The following PRKG1 variants were observed in gnomAD, a reference collection of about 807,000 sequenced individuals.
PRKG1 encodes the protein protein kinase cGMP-dependent 1.
Under a neutral mutation model 88.1 loss-of-function variants are expected in PRKG1, and 35 were observed. That is an observed-to-expected ratio of 0.40 (90% CI 0.30 to 0.53). The LOEUF is 0.53. PRKG1 is among the 20% of genes least tolerant of loss of function. PRKG1 has a pLI of 0.59. For synonymous variants in PRKG1, 303 were observed against 292.5 expected (o/e 1.04, Z -0.37); for missense variants, 540 against 839.8 (o/e 0.64, Z 4.41).
chr10:51,664,644 A>G (rs746974700), intron 3 of PRKG1, among the ~76,000 whole-genome samples: 1 of 152,266 alleles, frequency 6.6e-6, no homozygotes, highest in South Asian at 2.1e-4. Flanking sequence ...GGCGAATAAG[A>G]TACCCTCTTT....
intron 3 of PRKG1, among the ~76,000 whole-genome samples, chr10:51,550,532 C>CT (rs1437879868): frequency 6.6e-6 from 1 of 151,920 alleles, no homozygotes; most frequent in Non-Finnish European, 1.5e-5. Context: ...GAATAAACCT[C>CT]TTAGAGATAC....
chr10:52,037,026 A>G (rs924156971), intron 5 of PRKG1, among the ~76,000 whole-genome samples: 1 of 152,288 alleles, frequency 6.6e-6, no homozygotes, highest in Admixed American at 6.5e-5. Flanking sequence ...AAGCAGTGTC[A>G]GTCTTCAGCC....
intron 4 of PRKG1, among the ~76,000 whole-genome samples, chr10:51,870,092 A>G (rs1841117579): frequency 1.3e-5 from 2 of 152,178 alleles, no homozygotes; most frequent in Admixed American, 1.3e-4. Context: ...TTTAAAAAAA[A>G]GTCAATGAAC....
chr10:51,991,691 C>T (rs1400203856), intron 5 of PRKG1, among the ~76,000 whole-genome samples: 1 of 152,172 alleles, frequency 6.6e-6, no homozygotes, highest in Non-Finnish European at 1.5e-5. Flanking sequence ...TCATCCATAT[C>T]CCTACAAAGG....
At chr10:51,122,073 G>T (rs1296981167) in intron 1 of PRKG1, among the ~76,000 whole-genome samples, 1 of 152,102 alleles carries the variant, frequency 6.6e-6, no homozygotes, top group Admixed American at 6.6e-5. Flanking sequence ...AAACATTTTG[G>T]CAGAAACCTT....
At chr10:51,503,621 A>G (rs1483643402) in intron 3 of PRKG1, among the ~76,000 whole-genome samples, 1 of 152,168 alleles carries the variant, frequency 6.6e-6, no homozygotes, top group Non-Finnish European at 1.5e-5. Flanking sequence ...CCTACATGTA[A>G]CTGTTGTGAA....
chr10:51,958,540 T>C lies in PRKG1; in HGVS notation c.762+50970T>C, dbSNP rs1439676253. On this transcript the variant is annotated intron_variant, in intron 5 of 17. Coordinates refer to ENST00000373980, the MANE Select transcript of PRKG1 (RefSeq NM_006258.4). Reference sequence around the variant, plus strand: ...ATTTCAAGGAATAGGTCGTCCATTGTTGTTCCTTTTTTTTTTTTTTTTCAG... The same window carrying C: ...ATTTCAAGGAATAGGTCGTCCATTGCTGTTCCTTTTTTTTTTTTTTTTCAG... 8.5e-5 allele frequency among the ~76,000 whole-genome samples: 12 copies of C among 141,990 alleles called. No homozygotes were observed. The Admixed American group carries it at 8.9e-4, about 10-fold the overall frequency. 93.2% of individuals were successfully genotyped at this position (141,990 alleles called of 152,430 possible).
intron 3 of PRKG1, among the ~76,000 whole-genome samples, chr10:51,502,655 A>T (rs1188622740): frequency 1.3e-5 from 2 of 152,134 alleles, no homozygotes; most frequent in African/African-American, 4.8e-5. Context: ...TGAAATGGGG[A>T]TAATGATGCT....
chr10:51,966,965 C>T (rs556183817), intron 5 of PRKG1, among the ~76,000 whole-genome samples: 100 of 152,254 alleles, frequency 6.6e-4, no homozygotes, highest in African/African-American at 2.3e-3. Context: ...GTTGGTGGGA[C>T]GGTAAACTAG....
At chr10:51,999,690 T>TA (rs1844544144) in intron 5 of PRKG1, among the ~76,000 whole-genome samples, 1 of 152,102 alleles carries the variant, frequency 6.6e-6, no homozygotes, top group South Asian at 2.1e-4. Context: ...AGTTTATATA[T>TA]ATTTACTTTG....
chr10:51,108,061 A>G (rs1360916021), intron 1 of PRKG1, among the ~76,000 whole-genome samples: 1 of 152,148 alleles, frequency 6.6e-6, no homozygotes, highest in East Asian at 1.9e-4. Context: ...AAGAAGAAAC[A>G]GGTGACCTGA....
At chr10:51,475,946 A>G (rs1840180981) in intron 3 of PRKG1, among the ~76,000 whole-genome samples, 1 of 152,044 alleles carries the variant, frequency 6.6e-6, no homozygotes, top group Admixed American at 6.6e-5. Flanking sequence ...GGACATTTTT[A>G]AGAAAACAAC....
At chr10:51,165,755 A>T (rs1438492200) in intron 2 of PRKG1, among the ~76,000 whole-genome samples, 2 of 152,212 alleles carry the variant, frequency 1.3e-5, no homozygotes, top group African/African-American at 4.8e-5. Flanking sequence ...TCCATTTCAC[A>T]AATATGTAAT....
intron 2 of PRKG1, among the ~76,000 whole-genome samples, chr10:51,385,718 GT>G (rs2132637248): frequency 6.6e-6 from 1 of 152,276 alleles, no homozygotes; most frequent in African/African-American, 2.4e-5. Context: ...CCCCCATGGG[GT>G]TTTTAGCCAC....
At chr10:51,726,840 G>A (rs1395656140) in intron 3 of PRKG1, among the ~76,000 whole-genome samples, 2 of 152,056 alleles carry the variant, frequency 1.3e-5, no homozygotes, top group Non-Finnish European at 2.9e-5. Flanking sequence ...GCAGTGGCAC[G>A]ATCTCCTCTC....
chr10:51,824,888 A>G (rs1415750857), intron 4 of PRKG1, among the ~76,000 whole-genome samples: 2 of 152,144 alleles, frequency 1.3e-5, no homozygotes, highest in African/African-American at 4.8e-5. Flanking sequence ...CCCCACCTCC[A>G]CTAATGAGGA....
chr10:52,062,674 C>T, intron 7 of PRKG1, 43 bp downstream of exon 7: 1 of 1,462,812 alleles, frequency 6.8e-7, no homozygotes, highest in Non-Finnish European at 9.4e-7. Context: ...TTGAGTGCTA[C>T]ATAAATTTCT....
chr10:51,140,816 C>T (rs1845803173), intron 1 of PRKG1, among the ~76,000 whole-genome samples: 1 of 152,080 alleles, frequency 6.6e-6, no homozygotes, highest in South Asian at 2.1e-4. Context: ...GCAATTCTTG[C>T]ACCTCTAATA....
At chr10:51,885,562 C>T (rs1042436294) in intron 4 of PRKG1, among the ~76,000 whole-genome samples, 21 of 152,322 alleles carry the variant, frequency 1.4e-4, no homozygotes, top group African/African-American at 5.1e-4. Flanking sequence ...GACACCTCCT[C>T]ACCTTCTCTA....
Sources: gnomAD v4.1 joint callset for allele counts (sites outside exome capture counted in the v4.1 genomes callset) on GRCh38, gnomAD v4.1.1 for gene constraint, MANE v1.5 for transcripts, NCBI Gene and HGNC (gene_info 2026-07-23, HGNC 2026-07-21) for gene names.